MPPED2: variants seen among roughly 807,000 people sequenced by gnomAD.
MPPED2 encodes metallophosphoesterase MPPED2.
In MPPED2, 5 loss-of-function variants were observed where a neutral mutation model predicts 33.0. That is an observed-to-expected ratio of 0.15 (90% CI 0.08 to 0.32). MPPED2 has a LOEUF of 0.32. Among genes scored for constraint, MPPED2 ranks in the 10% least tolerant of loss-of-function variants. MPPED2 has a pLI of 1.00. For synonymous variants in MPPED2, 136 were observed against 141.9 expected, an observed-to-expected ratio of 0.96 and a Z score of 0.29; for missense variants, 275 against 372.1, an observed-to-expected ratio of 0.74 and a Z score of 2.15.
chr11:30,541,783 G>T (rs1955135254), intron 2 of MPPED2, among the ~76,000 whole-genome samples: 1 of 152,092 alleles, frequency 6.6e-6, no homozygotes, highest in Admixed American at 6.5e-5. Flanking sequence ...ATAGAGACAA[G>T]GTTTCACCAT....
At chr11:30,549,091 T>C (rs187096152) in intron 2 of MPPED2, among the ~76,000 whole-genome samples, 86 of 152,370 alleles carry the variant, frequency 5.6e-4, no homozygotes, top group Middle Eastern at 3.4e-3. Flanking sequence ...AACCACATTT[T>C]ATACAGATCG....
At chr11:30,549,790 G>A (rs962409946) in intron 2 of MPPED2, among the ~76,000 whole-genome samples, 7 of 152,210 alleles carry the variant, frequency 4.6e-5, no homozygotes, top group East Asian at 3.9e-4. Flanking sequence ...AGGTGCACAC[G>A]TGACTGCCGC....
intron 4 of MPPED2, among the ~76,000 whole-genome samples, chr11:30,456,691 A>T (rs1950294772): frequency 6.6e-6 from 1 of 152,244 alleles, no homozygotes; most frequent in Admixed American, 6.5e-5. Context: ...AGGACTAAAA[A>T]GAAGTAGCCT....
chr11:30,575,782 C>T (rs1008422670), intron 2 of MPPED2, among the ~76,000 whole-genome samples: 2 of 152,186 alleles, frequency 1.3e-5, no homozygotes, highest in South Asian at 4.1e-4. Context: ...CGCCTTGGGA[C>T]TGCCACTCCC....
chr11:30,418,732 CCCTAA>C (rs1196647351), intron 4 of MPPED2, among the ~76,000 whole-genome samples: 1 of 152,210 alleles, frequency 6.6e-6, no homozygotes, highest in Non-Finnish European at 1.5e-5. Context: ...TATAAAGTGA[CCCTAA>C]CCTTGTCAAT....
chr11:30,408,001 C>T (rs1195549582), downstream of MPPED2, among the ~76,000 whole-genome samples: 1 of 152,136 alleles, frequency 6.6e-6, no homozygotes, highest in South Asian at 2.1e-4. Context: ...AATACATGTG[C>T]ACCACTTACT....
chr11:30,406,900 A>C (rs1947998540), downstream of MPPED2, among the ~76,000 whole-genome samples: 2 of 152,196 alleles, frequency 1.3e-5, no homozygotes, highest in Non-Finnish European at 2.9e-5. Context: ...GCATCTTAAA[A>C]CTTTCAGGAA....
rs550749208 is a variant in MPPED2 at position 30,427,502 on chromosome 11, A to G, written c.537-9869T>C. On this transcript the variant is annotated intron_variant, in intron 4 of 6. Transcript: ENST00000358117. ...TGATAAGTGGACAATAAAATACCAT[A>G]CAGCCATTAAACATAAGGTCAATTG... Among the ~76,000 whole-genome samples the G allele has an allele frequency of 1.3e-3, 193 of 152,342 alleles. 4 individuals carry two copies. In the Middle Eastern group the frequency reaches 0.014, roughly 11 times the overall value.
chr11:30,513,033 C>T lies in MPPED2; in HGVS notation c.311-17512G>A, dbSNP rs373144578. Among the ~76,000 whole-genome samples, 4 of 151,716 alleles carry T rather than the reference C, an allele frequency of 2.6e-5. No individual in the cohort carries two copies. The South Asian group carries it at 6.3e-4, about 24-fold the overall frequency. On this transcript the variant is annotated intron_variant, in intron 3 of 6. Transcript: ENST00000358117. ...TCAAAAGAAAAAAAAAAAAGTAAAT[C>T]AGTTTCCAGGCTTTATCCTGAAAGA...
intron 4 of MPPED2, among the ~76,000 whole-genome samples, chr11:30,485,488 A>C (rs938934039): frequency 1.6e-4 from 24 of 152,328 alleles, no homozygotes; most frequent in African/African-American, 5.8e-4. Flanking sequence ...ATAAGTTCTA[A>C]ATAATCAAAG....
rs12286527 is a variant in MPPED2 at position 30,512,316 on chromosome 11, C to T, written c.311-16795G>A. Among the ~76,000 whole-genome samples, 1,118 of 152,128 alleles carry T rather than the reference C, an allele frequency of 7.3e-3. 14 individuals carry two copies. The highest frequency in any genetic ancestry group is 0.025 in the African/African-American group (1,055 of 41,468). On this transcript the variant is annotated intron_variant, in intron 3 of 6. Transcript: ENST00000358117. ...AGTGGCCTTGATGGGATTTTTCCCT[C>T]GGCTCTGCCAAGATGGCCCAGATAA...
rs79739836 is a variant in MPPED2 at position 30,437,922 on chromosome 11, G to A, written c.537-20289C>T. On this transcript the variant is annotated intron_variant, in intron 4 of 6. Coordinates refer to ENST00000358117, the MANE Select transcript of MPPED2 (RefSeq NM_001584.3). ...AGGATGAGTAACAGCATAGACTCTGGAGCCAGACAATTGGGTTTGAGTCCT... is the reference window on the plus strand; with the variant it reads ...AGGATGAGTAACAGCATAGACTCTGAAGCCAGACAATTGGGTTTGAGTCCT... 9.9e-3 allele frequency among the ~76,000 whole-genome samples: 1,508 copies of A among 152,142 alleles called. 36 individuals carry two copies. The highest frequency in any genetic ancestry group is 0.032 in the African/African-American group (1,343 of 41,500).
intron 1 of MPPED2, among the ~76,000 whole-genome samples, chr11:30,583,732 A>T (rs541063707): frequency 1.3e-5 from 2 of 152,248 alleles, no homozygotes; most frequent in East Asian, 3.9e-4. Context: ...CAATTTACCA[A>T]AACTTTCAAA....
intron 6 of MPPED2, among the ~76,000 whole-genome samples, chr11:30,402,555 A>G (rs1027383455): frequency 6.6e-6 from 1 of 152,222 alleles, no homozygotes; most frequent in Admixed American, 6.5e-5. Context: ...CTATTAATTT[A>G]TAATTTTGAG....
chr11:30,440,534 T>G (rs1043184875), intron 4 of MPPED2, among the ~76,000 whole-genome samples: 1 of 152,148 alleles, frequency 6.6e-6, no homozygotes, highest in African/African-American at 2.4e-5. Flanking sequence ...GAGCACTGAA[T>G]GAATGATGGT....
intron 3 of MPPED2, among the ~76,000 whole-genome samples, chr11:30,514,229 C>T (rs993917906): frequency 2.0e-5 from 3 of 152,052 alleles, no homozygotes; most frequent in Non-Finnish European, 4.4e-5. Flanking sequence ...TAAGGAGGTG[C>T]GGTCACCCAA....
At chr11:30,384,474 C>CT (rs200252636), downstream of MPPED2, 1,865 of 131,334 alleles carry the variant, frequency 0.014, 29 homozygotes, top group African/African-American at 0.038. Flanking sequence ...TTTCTTTTTT[C>CT]TTTTTTTTTT....
At chr11:30,569,354 T>C (rs1297915275) in intron 2 of MPPED2, among the ~76,000 whole-genome samples, 4 of 152,176 alleles carry the variant, frequency 2.6e-5, no homozygotes, top group Non-Finnish European at 5.9e-5. Flanking sequence ...GAAGAAAGCA[T>C]TAGACTTTTT....
At chr11:30,537,536 A>C (rs749363378) in intron 2 of MPPED2, among the ~76,000 whole-genome samples, 3 of 152,144 alleles carry the variant, frequency 2.0e-5, no homozygotes, top group Non-Finnish European at 4.4e-5. Flanking sequence ...TAACAATGAC[A>C]ATTTCAGTGA....
Sources: allele counts gnomAD v4.1 joint callset (sites outside exome capture counted in the v4.1 genomes callset), GRCh38; gene constraint gnomAD v4.1.1; transcripts MANE v1.5; gene names NCBI Gene and HGNC (gene_info 2026-07-23, HGNC 2026-07-21).